The following SYNE3 variants were observed in gnomAD, a reference collection of about 807,000 sequenced individuals.
The protein encoded by SYNE3 is nesprin-3.
SYNE3 carries 100 observed loss-of-function variants against 111.2 expected under a neutral mutation model. The ratio of observed to expected loss-of-function variants is 0.90; its 90% CI spans 0.77 to 1.06. The LOEUF (loss-of-function observed/expected upper bound fraction) is 1.06. Among genes scored for constraint, SYNE3 ranks in the 50% least tolerant of loss-of-function variants. SYNE3 has a pLI of 0.00. For synonymous variants in SYNE3, 547 were observed against 533.9 expected (o/e 1.02, Z -0.34); for missense variants, 1,160 against 1,240.3 (o/e 0.94, Z 0.97).
intron 17 of SYNE3, among the ~76,000 whole-genome samples, chr14:95,426,228 G>A (rs1281671316): frequency 2.6e-5 from 4 of 152,136 alleles, no homozygotes; most frequent in Non-Finnish European, 4.4e-5. Flanking sequence ...CTCTGTAGAC[G>A]GACGGAGTGG....
At chr14:95,450,565 T>A (rs1887013417) in intron 7 of SYNE3, 1 of 154,710 alleles carries the variant, frequency 6.5e-6, no homozygotes, top group Admixed American at 6.4e-5. Flanking sequence ...TAGTCCTAGC[T>A]ACTCGGGAGG....
chr14:95,441,432 G>A (rs1236151787), intron 11 of SYNE3, among the ~76,000 whole-genome samples: 1 of 152,356 alleles, frequency 6.6e-6, no homozygotes, highest in East Asian at 1.9e-4. Flanking sequence ...CCCCCAGGGG[G>A]ACACAGAGAC....
At chr14:95,491,738 A>G (rs1325510536) in intron 1 of SYNE3, among the ~76,000 whole-genome samples, 1 of 151,614 alleles carries the variant, frequency 6.6e-6, no homozygotes, top group Admixed American at 6.6e-5. Context: ...GGCATCATCA[A>G]AATTAAAACT....
rs1182445726 is a variant in SYNE3, at chr14:95,413,528, A to G, written c.*4298T>C. ...CCCATCCCCTGCAAGGCAGGGCAGGATGATGCCACCGGTCCCAGTTTGCCA... is the reference window on the plus strand; with the variant it reads ...CCCATCCCCTGCAAGGCAGGGCAGGGTGATGCCACCGGTCCCAGTTTGCCA... On this transcript the variant is annotated 3_prime_UTR_variant, in exon 18 of 18. Transcript: ENST00000682763. 6.6e-6 allele frequency: 1 copy of G among 152,398 alleles called. No individual in the cohort carries two copies. Among genetic ancestry groups the G allele is most frequent in the African/African-American group, 2.4e-5 (1 of 41,444 alleles). 9.4% of individuals were successfully genotyped at this position (152,398 alleles called of 1,614,324 possible).
rs374250791 is a variant in SYNE3, at chr14:95,444,450, G to C, written c.1776+35C>G. The C allele has an allele frequency of 2.2e-5, 34 of 1,576,440 alleles. 1 individual carries two copies. Among genetic ancestry groups the C allele is most frequent in the Non-Finnish European group, 2.9e-5 (33 of 1,157,106 alleles). On this transcript the variant is annotated intron_variant, in intron 10 of 17. Coordinates refer to ENST00000682763, the MANE Select transcript of SYNE3 (RefSeq NM_152592.6). ...TGCTTCCAGGTGCAGCTGAGCACCT[G>C]GGCAGGAGTGATTCAGGCCTCACAG...
chr14:95,469,994 G>A (rs950167551), intron 2 of SYNE3, among the ~76,000 whole-genome samples: 2 of 152,222 alleles, frequency 1.3e-5, no homozygotes, highest in African/African-American at 2.4e-5. Context: ...CTGTGTGCAT[G>A]TGAGTGGGAG....
chr14:95,438,149 C>T (rs1237702164), intron 14 of SYNE3: 1 of 152,248 alleles, frequency 6.6e-6, no homozygotes, highest in Non-Finnish European at 1.5e-5. Context: ...ACAATCACAG[C>T]TCCCTGCAGC....
Position 95,417,852 on chromosome 14 carries a change from G to A in SYNE3, c.2902C>T (p.Arg968Cys), listed in dbSNP as rs764718779. The A allele has an allele frequency of 1.7e-5, 27 of 1,614,086 alleles. No homozygotes were observed. The highest frequency in any genetic ancestry group is 6.6e-5 in the South Asian group (6 of 91,084). ...NFARSFTLML[R>C]YNGPPPT ...TAGGTGGGTGGTGGGCCATTGTAGC[G>A]CAGCATGAGCGTGAAGGAGCGGGCG... The change falls in exon 18 of 18, where the codon CGC (arginine) becomes TGC (cysteine). Residue 968 changes from arginine (R) to cysteine (C), a missense_variant. Coordinates refer to ENST00000682763, the MANE Select transcript of SYNE3 (RefSeq NM_152592.6).
intron 6 of SYNE3, among the ~76,000 whole-genome samples, chr14:95,453,524 A>C (rs1362616291): frequency 6.6e-6 from 1 of 152,258 alleles, no homozygotes; most frequent in Non-Finnish European, 1.5e-5. Context: ...AGCCCTGTTC[A>C]TTCTCAAAAA....
rs1294825635 is a variant in SYNE3 at position 95,446,120 on chromosome 14, C to T, written c.1450-29G>A. ...TGGGAGACAAGGCTTCCGTGAACCA[C>T]AGACCGGGCAGGACACAGCTCAGAA... On this transcript the variant is annotated intron_variant, in intron 8 of 17. Transcript: ENST00000682763. 5 of 1,611,874 alleles carry T rather than the reference C, an allele frequency of 3.1e-6. No homozygotes were observed. In the African/African-American group the frequency reaches 6.7e-5, roughly 22 times the overall value.
chr14:95,423,763 T>A (rs367667144), intron 17 of SYNE3, among the ~76,000 whole-genome samples: 3,541 of 21,338 alleles, frequency 0.17, 2 homozygotes, highest in Middle Eastern at 0.23. Context: ...GGGGATGGGG[T>A]TTTGATGGGG....
intron 17 of SYNE3, among the ~76,000 whole-genome samples, chr14:95,430,830 A>AGG (rs1206928824): frequency 6.6e-6 from 1 of 151,474 alleles, no homozygotes; most frequent in African/African-American, 2.4e-5. Context: ...CAAAGGAAAA[A>AGG]AAAAAAAAAG....
At chr14:95,420,986 T>C (rs1885083428) in intron 17 of SYNE3, among the ~76,000 whole-genome samples, 1 of 152,188 alleles carries the variant, frequency 6.6e-6, no homozygotes, top group African/African-American at 2.4e-5. Flanking sequence ...CTCATGGTAG[T>C]GAATAAGTCT....
In SYNE3 at chr14:95,414,402, G is replaced by A. The variant is rs779051754; in HGVS notation, c.*3424C>T. The A allele has an allele frequency of 1.3e-5, 2 of 152,148 alleles. No individual in the cohort carries two copies. Among genetic ancestry groups the A allele is most frequent in the Non-Finnish European group, 2.9e-5 (2 of 68,030 alleles). The allele number at this position is 152,148 out of a possible 1,614,324, so 9.4% of individuals were successfully genotyped here. A position where few individuals can be genotyped will look rare whatever the true frequency, so the allele number is the denominator to read the frequency against. ...GCTCAAGCACCCACGAGCACCAAAC[G>A]AGCACATTCTTTGTCTCCCTTGTCG... On this transcript the variant is annotated 3_prime_UTR_variant, in exon 18 of 18. Coordinates refer to ENST00000682763, the MANE Select transcript of SYNE3 (RefSeq NM_152592.6).
intron 16 of SYNE3, among the ~76,000 whole-genome samples, chr14:95,432,450 G>A (rs960238102): frequency 2.0e-5 from 3 of 152,126 alleles, no homozygotes; most frequent in African/African-American, 7.2e-5. Context: ...TGGGGCTGGG[G>A]TCTGAGGCTG....
At position 95,445,908 on chromosome 14, in the gene SYNE3, C is replaced by T. The variant is rs759221646; in HGVS notation, c.1632+1G>A. The T allele has an allele frequency of 1.9e-6, 3 of 1,613,612 alleles. No individual in the cohort carries two copies. The Admixed American group carries it at 5.0e-5, about 27-fold the overall frequency. On this transcript the variant is annotated splice_donor_variant, in intron 9 of 17. Transcript: ENST00000682763. LOFTEE classifies it high-confidence loss of function. ...CCGAGCAGATGCCTGGTGCTGCACA[C>T]CTGCAGTTTGCTTTTCCTCTGCAGG... is the stretch of plus-strand genomic sequence containing the variant.
chr14:95,482,985 C>T (rs1004341509), intron 1 of SYNE3, among the ~76,000 whole-genome samples: 9 of 152,288 alleles, frequency 5.9e-5, no homozygotes, highest in Admixed American at 3.9e-4. Context: ...ACAGCTTCCA[C>T]GGCCCTCTCT....
At chr14:95,436,761 G>T in intron 15 of SYNE3, 59 bp downstream of exon 15, 1 of 1,581,584 alleles carries the variant, frequency 6.3e-7, no homozygotes, top group Non-Finnish European at 8.6e-7. Context: ...ACTCCCTGGT[G>T]GCAAATGCCT....
At chr14:95,516,406 C>A (rs1890932124) in intron 1 of SYNE3, among the ~76,000 whole-genome samples, 190 bp downstream of exon 1, 1 of 152,144 alleles carries the variant, frequency 6.6e-6, no homozygotes, top group South Asian at 2.1e-4. Context: ...AATACCCGCC[C>A]GCCCGCAGCT....
Sources: allele counts gnomAD v4.1 joint callset (sites outside exome capture counted in the v4.1 genomes callset), GRCh38; gene constraint gnomAD v4.1.1; transcripts MANE v1.5; gene names NCBI Gene and HGNC (gene_info 2026-07-23, HGNC 2026-07-21).